LRBA: variants seen among roughly 807,000 people sequenced by gnomAD.
LRBA encodes the protein LPS responsive beige-like anchor protein.
A neutral mutation model predicts 330.0 loss-of-function variants in LRBA; 176 were observed. The observed-to-expected ratio is 0.53, with a 90% CI of 0.47 to 0.60. The LOEUF is 0.60. Among genes scored for constraint, LRBA ranks in the 20% least tolerant of loss-of-function variants. The pLI is 0.00. For missense variants in LRBA, 3,259 were observed against 3,444.8 expected (o/e 0.95, Z 1.35); for synonymous variants, 1,230 against 1,193.0 (o/e 1.03, Z -0.64).
At position 150,817,268 on chromosome 4, in the gene LRBA, G is replaced by T. The variant is rs774693184; in HGVS notation, c.5172-11C>A. ...GCAACAATGACACTTCTGTAATAAA[G>T]AAAGTAAACAGACTGAAAGATACAA... is the stretch of plus-strand genomic sequence containing the variant. On this transcript the variant is annotated splice_polypyrimidine_tract_variant and intron_variant, in intron 30 of 56. Coordinates refer to ENST00000651943, the MANE Select transcript of LRBA (RefSeq NM_001364905.1). 10 of 1,610,168 alleles carry T rather than the reference G, an allele frequency of 6.2e-6. No individual in the cohort carries two copies. The highest frequency in any genetic ancestry group is 5.5e-5 in the South Asian group (5 of 90,920).
chr4:150,658,347 C>G (rs1237499217), intron 37 of LRBA, among the ~76,000 whole-genome samples: 1 of 143,682 alleles, frequency 7.0e-6, no homozygotes, highest in Non-Finnish European at 1.5e-5. Context: ...ATTAAAATAA[C>G]AGTCTGCAAG....
At chr4:150,963,262 T>C (rs185178434) in intron 2 of LRBA, among the ~76,000 whole-genome samples, 1 of 148,808 alleles carries the variant, frequency 6.7e-6, no homozygotes, top group Non-Finnish European at 1.5e-5. Context: ...ACTGCTGCCA[T>C]CTTGGCTCAC....
chr4:150,903,710 AG>A (rs1216238015), intron 13 of LRBA, among the ~76,000 whole-genome samples: 1 of 152,200 alleles, frequency 6.6e-6, no homozygotes, highest in East Asian at 1.9e-4. Context: ...TTAGTGACAC[AG>A]TGAGACCCTG....
At chr4:150,399,103 A>G (rs892831372) in intron 47 of LRBA, among the ~76,000 whole-genome samples, 3 of 152,174 alleles carry the variant, frequency 2.0e-5, no homozygotes, top group Non-Finnish European at 4.4e-5. Context: ...TGCTATGCAC[A>G]TATTTTCTGT....
chr4:150,489,616 T>C, intron 41 of LRBA, among the ~76,000 whole-genome samples: 1 of 106,248 alleles, frequency 9.4e-6, no homozygotes, highest in East Asian at 2.5e-4. Flanking sequence ...ATATATAATA[T>C]ATAAGAATAT....
chr4:150,286,138 T>A, intron 53 of LRBA, 104 bp from the exon 54 acceptor site: 1 of 823,548 alleles, frequency 1.2e-6, no homozygotes, highest in South Asian at 1.7e-5. Flanking sequence ...TAATTTATAG[T>A]TTGGGAATTT....
chr4:150,300,029 G>A (rs757434450), intron 53 of LRBA, among the ~76,000 whole-genome samples: 29 of 152,016 alleles, frequency 1.9e-4, no homozygotes, highest in Admixed American at 4.6e-4. Flanking sequence ...TATAAAATCC[G>A]AACCAGCTTG....
At chr4:150,586,527 A>C (rs568134662) in intron 40 of LRBA, among the ~76,000 whole-genome samples, 6 of 152,288 alleles carry the variant, frequency 3.9e-5, no homozygotes, top group African/African-American at 1.4e-4. Flanking sequence ...TTTTTAATAT[A>C]AATTGGCAGG....
At chr4:150,725,284 C>A (rs985461411) in intron 36 of LRBA, among the ~76,000 whole-genome samples, 3 of 151,944 alleles carry the variant, frequency 2.0e-5, no homozygotes, top group African/African-American at 7.3e-5. Flanking sequence ...AAGAAGATTA[C>A]CTCTGGGCAT....
intron 36 of LRBA, among the ~76,000 whole-genome samples, chr4:150,698,667 C>T (rs1344729045): frequency 6.6e-6 from 1 of 152,186 alleles, no homozygotes; most frequent in Non-Finnish European, 1.5e-5. Flanking sequence ...CATCGATTCA[C>T]TTTTAAGTGG....
chr4:150,566,371 A>G (rs1769136946), intron 40 of LRBA, among the ~76,000 whole-genome samples: 1 of 152,158 alleles, frequency 6.6e-6, no homozygotes, highest in Non-Finnish European at 1.5e-5. Context: ...AAAAACTCAC[A>G]TGATACTTTC....
chr4:150,674,190 T>G lies in LRBA; in HGVS notation c.5921+9361A>C, dbSNP rs907376407. ...TTTTTGTGGTGTTTTGGTTTTGGGGTTTTTTTTTTGCATAAAAATGAATTT... is the reference window on the plus strand; with the variant it reads ...TTTTTGTGGTGTTTTGGTTTTGGGGGTTTTTTTTTGCATAAAAATGAATTT... On this transcript the variant is annotated intron_variant, in intron 37 of 56. Transcript: ENST00000651943. 1.5e-3 allele frequency among the ~76,000 whole-genome samples: 199 copies of G among 131,100 alleles called. 2 individuals carry two copies. The highest frequency in any genetic ancestry group is 0.015 in the Admixed American group (195 of 13,270). 86.0% of individuals were successfully genotyped at this position (131,100 alleles called of 152,430 possible). A position where few individuals can be genotyped will look rare whatever the true frequency, so the allele number is the denominator to read the frequency against.
At chr4:150,819,739 T>C (rs964040768) in intron 30 of LRBA, among the ~76,000 whole-genome samples, 2 of 152,106 alleles carry the variant, frequency 1.3e-5, no homozygotes, top group Non-Finnish European at 2.9e-5. Flanking sequence ...CAAGATGACA[T>C]AGCTAATTAA....
chr4:150,416,206 A>C (rs1015728119), intron 46 of LRBA, among the ~76,000 whole-genome samples: 1 of 152,252 alleles, frequency 6.6e-6, no homozygotes, highest in African/African-American at 2.4e-5. Context: ...AATGACATTT[A>C]ATAAGCAGAA....
intron 37 of LRBA, among the ~76,000 whole-genome samples, chr4:150,633,838 G>T (rs1174668826): frequency 6.6e-6 from 1 of 152,148 alleles, no homozygotes; most frequent in African/African-American, 2.4e-5. Flanking sequence ...CTGCTGGTCG[G>T]ATGCGGTGGC....
chr4:150,697,340 A>C (rs1387096570), intron 36 of LRBA, among the ~76,000 whole-genome samples: 1 of 148,838 alleles, frequency 6.7e-6, no homozygotes, highest in African/African-American at 2.5e-5. Context: ...AAAAAAAAAA[A>C]AAAAAAAAAA....
intron 2 of LRBA, chr4:151,013,896 A>G (rs1745135821): frequency 6.5e-6 from 1 of 152,812 alleles, no homozygotes; most frequent in African/African-American, 2.4e-5. Context: ...TTCATCACCA[A>G]TTTAACTTTT....
At chr4:150,615,655 ATTTGG>A (rs916511645) in intron 37 of LRBA, among the ~76,000 whole-genome samples, 2 of 152,176 alleles carry the variant, frequency 1.3e-5, no homozygotes, top group Non-Finnish European at 2.9e-5. Flanking sequence ...AAAGTCTAAA[ATTTGG>A]TTTTAAACAT....
At chr4:150,491,057 C>T in intron 40 of LRBA, 22 bp from the exon 41 acceptor site, 1 of 1,226,438 alleles carries the variant, frequency 8.2e-7, no homozygotes, top group Admixed American at 1.8e-5. Context: ...AAAAATAATC[C>T]CAGGTAAGTA....
Sources: gnomAD v4.1 joint callset for allele counts (sites outside exome capture counted in the v4.1 genomes callset) on GRCh38, gnomAD v4.1.1 for gene constraint, MANE v1.5 for transcripts, NCBI Gene and HGNC (gene_info 2026-07-23, HGNC 2026-07-21) for gene names.